The following PCED1B variants were observed in gnomAD, a reference collection of about 807,000 sequenced individuals.
PCED1B encodes PC-esterase domain-containing protein 1B.
For missense variants in PCED1B, 573 were observed against 573.9 expected (o/e 1.00, Z 0.02); for synonymous variants, 251 against 246.1 (o/e 1.02, Z -0.19).
rs1020302246 is a variant in PCED1B, at chr12:47,236,062, C to T, written c.999C>T (p.Phe333=). ...PILHHQGMPR[F]PQGPPDACFS... is the part of the protein sequence containing the mutation. The stretch of plus-strand genomic sequence containing the variant: ...TCCATCACCAGGGAATGCCCCGGTT[C>T]CCACAGGGTCCCCCAGATGCCTGTT... The change falls in exon 4 of 4, where the codon TTC becomes TTT. Residue 333 remains phenylalanine, a synonymous_variant. Transcript: ENST00000546455. 3.7e-6 allele frequency: 6 copies of T among 1,613,972 alleles called. No homozygotes were observed. The African/African-American group carries it at 6.7e-5, about 18-fold the overall frequency.
At chr12:47,176,664 G>A (rs1390991701) in intron 2 of PCED1B, among the ~76,000 whole-genome samples, 3 of 151,966 alleles carry the variant, frequency 2.0e-5, no homozygotes, top group Non-Finnish European at 2.9e-5. Context: ...GTAAATTATC[G>A]AACCTGAGAA....
chr12:47,135,817 C>A (rs1258480687), intron 2 of PCED1B: 5 of 487,822 alleles, frequency 1.0e-5, no homozygotes, highest in Non-Finnish European at 2.1e-5. Flanking sequence ...AGCACAGCCA[C>A]CTCATGCTTC....
intron 2 of PCED1B, among the ~76,000 whole-genome samples, chr12:47,179,805 T>C (rs1208744785): frequency 6.6e-6 from 1 of 152,188 alleles, no homozygotes; most frequent in Non-Finnish European, 1.5e-5. Context: ...AAACAGACCA[T>C]AATCTCTTCT....
At chr12:47,102,052 CA>C (rs1938731451) in intron 1 of PCED1B, among the ~76,000 whole-genome samples, 1 of 152,136 alleles carries the variant, frequency 6.6e-6, no homozygotes, top group African/African-American at 2.4e-5. Context: ...TATTGACTCC[CA>C]AGTAGTTCCC....
intron 2 of PCED1B, among the ~76,000 whole-genome samples, chr12:47,124,505 A>G (rs558234705): frequency 2.1e-5 from 2 of 93,738 alleles, no homozygotes; most frequent in Non-Finnish European, 4.2e-5. Context: ...TTGTATATAC[A>G]TGAGGTTTTT....
chr12:47,158,452 T>C (rs1266830202), intron 2 of PCED1B, among the ~76,000 whole-genome samples: 1 of 152,220 alleles, frequency 6.6e-6, no homozygotes, highest in East Asian at 1.9e-4. Flanking sequence ...TTTGCATATT[T>C]TTGAAGAAAT....
chr12:47,185,558 G>A (rs529723348), intron 2 of PCED1B, among the ~76,000 whole-genome samples: 4 of 152,270 alleles, frequency 2.6e-5, no homozygotes, highest in Non-Finnish European at 4.4e-5. Flanking sequence ...GAAGGCTGAC[G>A]GGGGTGGATC....
chr12:47,197,329 C>T (rs529030914), intron 2 of PCED1B, among the ~76,000 whole-genome samples: 36 of 151,064 alleles, frequency 2.4e-4, no homozygotes, highest in South Asian at 1.5e-3. Context: ...AATGATAGCC[C>T]GGTGCAGTGG....
rs529777481 is a variant in PCED1B at position 47,090,441 on chromosome 12, C to T, written c.-609+10716C>T. Among the ~76,000 whole-genome samples the T allele has an allele frequency of 5.9e-5, 9 of 152,292 alleles. No homozygotes were observed. In the South Asian group the frequency reaches 1.9e-3, roughly 32 times the overall value. On this transcript the variant is annotated intron_variant, in intron 1 of 3. Transcript: ENST00000546455. ...AAGCAGAAGTTAAGTTCTGTCCAATCCTTCTGATGGAATGCAAAATTCCAA... is the reference window on the plus strand; with the variant it reads ...AAGCAGAAGTTAAGTTCTGTCCAATTCTTCTGATGGAATGCAAAATTCCAA...
At chr12:47,084,906 C>G (rs1937905653) in intron 1 of PCED1B, among the ~76,000 whole-genome samples, 1 of 152,164 alleles carries the variant, frequency 6.6e-6, no homozygotes, top group Non-Finnish European at 1.5e-5. Context: ...GAGGCCGAGG[C>G]TAGTGAATCA....
intron 1 of PCED1B, among the ~76,000 whole-genome samples, chr12:47,099,838 T>C (rs1295061557): frequency 9.2e-5 from 14 of 152,230 alleles, no homozygotes; most frequent in Admixed American, 9.2e-4. Flanking sequence ...CTGCCTCCCA[T>C]TCCATCTGGG....
At chr12:47,081,030 A>T (rs1937688130) in intron 1 of PCED1B, among the ~76,000 whole-genome samples, 1 of 152,188 alleles carries the variant, frequency 6.6e-6, no homozygotes, top group Non-Finnish European at 1.5e-5. Flanking sequence ...GGCCATTCAG[A>T]AATGAGGTGG....
intron 3 of PCED1B, among the ~76,000 whole-genome samples, chr12:47,219,376 C>T (rs1198186263): frequency 6.6e-6 from 1 of 152,170 alleles, no homozygotes; most frequent in Non-Finnish European, 1.5e-5. Flanking sequence ...AAATCCAGGC[C>T]TGCTGACTCA....
intron 2 of PCED1B, among the ~76,000 whole-genome samples, chr12:47,195,310 T>C (rs7957017): frequency 0.033 from 4,703 of 144,628 alleles, 255 homozygotes; most frequent in African/African-American, 0.12. Flanking sequence ...GCCTGGGCGA[T>C]GGAGCGAGTC....
rs1167543144 is a variant in PCED1B, at chr12:47,235,283, C to CTT, written c.221_222dup (p.Asn75LeufsTer33). 5 of 1,613,986 alleles carry CTT rather than the reference C, an allele frequency of 3.1e-6. No individual in the cohort carries two copies. The African/African-American group carries it at 5.3e-5, about 17-fold the overall frequency. ...CCAGCGGGGCCACATGCACAACGGC[C>CTT]TTAACTACCGTGAGGTCCGCGAGTT... On this transcript the variant is annotated frameshift_variant, in exon 4 of 4. Transcript: ENST00000546455. LOFTEE classifies it low-confidence loss of function (END_TRUNC).
chr12:47,213,366 G>GA (rs5798015), intron 2 of PCED1B, among the ~76,000 whole-genome samples: 1 of 151,862 alleles, frequency 6.6e-6, no homozygotes, highest in Non-Finnish European at 1.5e-5. Context: ...GACAACCAAA[G>GA]AAAAAAACAT....
At chr12:47,154,779 A>ATGTG (rs3989869) in intron 2 of PCED1B, among the ~76,000 whole-genome samples, 388 of 146,682 alleles carry the variant, frequency 2.6e-3, no homozygotes, top group Middle Eastern at 3.6e-3. Flanking sequence ...GTGTGTGTGC[A>ATGTG]TGTGTGTGTG....
intron 2 of PCED1B, among the ~76,000 whole-genome samples, chr12:47,180,067 T>G (rs1282457235): frequency 1.3e-5 from 2 of 152,162 alleles, no homozygotes; most frequent in Non-Finnish European, 2.9e-5. Flanking sequence ...CCAGCATTCA[T>G]TAGCTGTTCT....
chr12:47,107,981 AATT>A (rs1292703835), intron 2 of PCED1B, among the ~76,000 whole-genome samples: 4 of 152,148 alleles, frequency 2.6e-5, no homozygotes, highest in Non-Finnish European at 5.9e-5. Flanking sequence ...GGATGTAAAT[AATT>A]ATTATTTTGT....
Sources: allele counts gnomAD v4.1 joint callset (sites outside exome capture counted in the v4.1 genomes callset), GRCh38; gene constraint gnomAD v4.1.1; transcripts MANE v1.5; gene names NCBI Gene and HGNC (gene_info 2026-07-23, HGNC 2026-07-21).